TRIOBP: variants seen among roughly 807,000 people sequenced by gnomAD.
The protein encoded by TRIOBP is TRIO and F-actin-binding protein.
TRIOBP carries 169 observed loss-of-function variants against 238.8 expected under a neutral mutation model. The observed-to-expected ratio is 0.71, with a 90% CI of 0.62 to 0.80. TRIOBP has a LOEUF of 0.80. TRIOBP is among the 30% of genes least tolerant of loss of function. The pLI is 0.00. For synonymous variants in TRIOBP, 1,150 were observed against 1,274.4 expected (o/e 0.90, Z 2.08); for missense variants, 2,838 against 3,122.6 (o/e 0.91, Z 2.17).
rs1483910123 is a variant in TRIOBP at position 37,723,591 on chromosome 22, C to T, written c.1035C>T (p.Pro345=). Residue 345 remains proline, a synonymous_variant, in exon 7 of 24, where the codon CCC becomes CCT. Transcript: ENST00000644935. ...TQWNTPRASS[P]SRSTQLDNPR... ...GGAACACCCCCAGAGCTTCCTCTCC[C>T]TCACGAAGCACCCAACTGGATAACC... 2 of 1,614,146 alleles carry T rather than the reference C, an allele frequency of 1.2e-6. No homozygotes were observed. The highest frequency in any genetic ancestry group is 8.5e-7 in the Non-Finnish European group (1 of 1,180,018).
At chr22:37,717,081 T>G (rs574629472) in intron 6 of TRIOBP, among the ~76,000 whole-genome samples, 1 of 152,304 alleles carries the variant, frequency 6.6e-6, no homozygotes, top group Admixed American at 6.5e-5. Flanking sequence ...TTCCTTCTGA[T>G]GTTCGGATGT....
chr22:37,752,608 G>A (rs1397135662), intron 12 of TRIOBP, among the ~76,000 whole-genome samples: 1 of 152,192 alleles, frequency 6.6e-6, no homozygotes, highest in Non-Finnish European at 1.5e-5. Context: ...ATTTCATTGT[G>A]TTTCCGGCCC....
intron 2 of TRIOBP, among the ~76,000 whole-genome samples, chr22:37,700,451 C>CTT (rs111657558): frequency 2.7e-5 from 4 of 146,788 alleles, no homozygotes; most frequent in African/African-American, 5.0e-5. Context: ...CTGAAATCTG[C>CTT]TTTTTTTTTT....
At chr22:37,744,301 C>T (rs1416133594) in intron 11 of TRIOBP, among the ~76,000 whole-genome samples, 3 of 151,840 alleles carry the variant, frequency 2.0e-5, no homozygotes, top group South Asian at 2.1e-4. Flanking sequence ...TAAACCACCG[C>T]GCCCAGCCTC....
chr22:37,723,373 C>T lies in TRIOBP; in HGVS notation c.817C>T (p.Arg273Cys), dbSNP rs190463138. 7.1e-5 allele frequency: 115 copies of T among 1,614,088 alleles called. No homozygotes were observed. The highest frequency in any genetic ancestry group is 3.6e-4 in the East Asian group (16 of 44,882). ...GGACACTGCTCAGGCTGCCTCTACA[C>T]GTGAAATCCCCAGAGCCTCCTCTCC... is the stretch of plus-strand genomic sequence containing the variant. ...QRDTAQAAST[R>C]EIPRASSPHR... Residue 273 changes from arginine (R) to cysteine (C), a missense_variant, in exon 7 of 24, where the codon CGT becomes TGT. By Grantham distance (180) the Arg-to-Cys change is radical. Around this residue, in one of 5 missense-constraint regions of TRIOBP, gnomAD observed 535 missense variants for 537.3 expected, o/e 1.00. Coordinates refer to ENST00000644935, the MANE Select transcript of TRIOBP (RefSeq NM_001039141.3).
At position 37,769,320 on chromosome 22, in the gene TRIOBP, AG is replaced by A; in HGVS notation, c.6797del (p.Gly2266AlafsTer17). ...CAGCTGCGCGGCTTCATTGCCTCGC[AG>A]GGCATGGGCAATGGCTGCGGGCGCA... ...IDQLRGFIAS[Q>X]GMGNGCGRSN... On this transcript the variant is annotated frameshift_variant, in exon 21 of 24. Transcript: ENST00000644935. LOFTEE classifies it high-confidence loss of function. The A allele has an allele frequency of 6.2e-7, 1 of 1,611,958 alleles. No homozygotes were observed. Among genetic ancestry groups the A allele is most frequent in the Non-Finnish European group, 8.5e-7 (1 of 1,179,510 alleles).
At chr22:37,701,967 G>A (rs1922673213) in intron 3 of TRIOBP, among the ~76,000 whole-genome samples, 1 of 152,056 alleles carries the variant, frequency 6.6e-6, no homozygotes, top group Admixed American at 6.6e-5. Flanking sequence ...GCTGGGCATG[G>A]TGGTGCATGC....
chr22:37,711,942 G>C (rs921164607), intron 4 of TRIOBP, among the ~76,000 whole-genome samples: 1 of 152,130 alleles, frequency 6.6e-6, no homozygotes, highest in Non-Finnish European at 1.5e-5. Flanking sequence ...CTCAGCATCT[G>C]GGCTAGTGAA....
chr22:37,760,986 GAAAGA>G (rs1926216414), intron 17 of TRIOBP, among the ~76,000 whole-genome samples: 1 of 149,620 alleles, frequency 6.7e-6, no homozygotes. Context: ...AAAAAAAAAA[GAAAGA>G]AAAGAAAAGA....
At chr22:37,732,353 C>T (rs560991502) in intron 7 of TRIOBP, among the ~76,000 whole-genome samples, 1 of 152,140 alleles carries the variant, frequency 6.6e-6, no homozygotes, top group Non-Finnish European at 1.5e-5. Flanking sequence ...TTAGAAACAA[C>T]ACTTGCCCAG....
chr22:37,720,391 G>C (rs1923763998), intron 6 of TRIOBP, among the ~76,000 whole-genome samples: 1 of 152,036 alleles, frequency 6.6e-6, no homozygotes, highest in Admixed American at 6.6e-5. Flanking sequence ...TCCTTTTTCT[G>C]TTCCAGGATC....
intron 7 of TRIOBP, among the ~76,000 whole-genome samples, chr22:37,726,954 C>G (rs1250502751): frequency 6.6e-6 from 1 of 151,290 alleles, no homozygotes; most frequent in Non-Finnish European, 1.5e-5. Context: ...TTGCCCAGGC[C>G]GGAGCGCAAT....
Position 37,769,442 on chromosome 22 carries a change from G to A in TRIOBP, c.6849+67G>A, listed in dbSNP as rs112733082. On this transcript the variant is annotated intron_variant, in intron 21 of 23. Coordinates refer to ENST00000644935, the MANE Select transcript of TRIOBP (RefSeq NM_001039141.3). ...GGGCCCGGGGCTATGGGGCACCCCC[G>A]CCATAGGCTGGGTATCACCTGTGGC... is the stretch of plus-strand genomic sequence containing the variant. 0.028 allele frequency: 39,689 copies of A among 1,433,336 alleles called. 734 individuals are homozygous for A. The highest frequency in any genetic ancestry group is 0.075 in the African/African-American group (5,331 of 71,110). 88.8% of individuals were successfully genotyped at this position (1,433,336 alleles called of 1,614,324 possible). A position where few individuals can be genotyped will look rare whatever the true frequency, so the allele number is the denominator to read the frequency against.
rs1186601750 is a variant in TRIOBP, at chr22:37,724,642, C to G, written c.2086C>G (p.Pro696Ala). ...CAGCAGAACCATCCAACAAGAGAAC[C>G]CCAGAACATCCTGTGCCCAACGGGA... ...SPSRTIQQENPRTSCAQRDDP... is the reference protein window; with the variant it reads ...SPSRTIQQENARTSCAQRDDP... Residue 696 changes from proline to alanine, a missense_variant, in exon 7 of 24, where the codon CCC (proline) becomes GCC (alanine). Physicochemically the swap from Pro to Ala is conservative, Grantham distance 27 (BLOSUM62 -1). Coordinates refer to ENST00000644935, the MANE Select transcript of TRIOBP (RefSeq NM_001039141.3). 1.9e-6 allele frequency: 3 copies of G among 1,610,966 alleles called. No homozygotes were observed. In the South Asian group the frequency reaches 3.3e-5, roughly 18 times the overall value.
chr22:37,718,367 G>T (rs568302000), intron 6 of TRIOBP, among the ~76,000 whole-genome samples: 1 of 152,348 alleles, frequency 6.6e-6, no homozygotes, highest in South Asian at 2.1e-4. Context: ...GAGAGTGAGC[G>T]AGGGCTGTGA....
intron 12 of TRIOBP, 134 bp from the exon 13 acceptor site, chr22:37,754,743 A>G: frequency 1.2e-6 from 1 of 828,672 alleles, no homozygotes; most frequent in Non-Finnish European, 2.1e-6. Context: ...CAGAGAGGAA[A>G]TGGAGGGGCC....
At chr22:37,715,410 T>A (rs2145823960) in intron 5 of TRIOBP, among the ~76,000 whole-genome samples, 1 of 152,112 alleles carries the variant, frequency 6.6e-6, no homozygotes, top group East Asian at 1.9e-4. Flanking sequence ...TGGCGCGATC[T>A]CCACTCAATG....
At chr22:37,728,220 C>A (rs951600546) in intron 7 of TRIOBP, among the ~76,000 whole-genome samples, 2 of 148,576 alleles carry the variant, frequency 1.3e-5, no homozygotes, top group Non-Finnish European at 3.0e-5. Flanking sequence ...CAAGATCATG[C>A]CACTACACTC....
chr22:37,716,057 A>G (rs918020127), intron 6 of TRIOBP, 123 bp downstream of exon 6: 1 of 965,724 alleles, frequency 1.0e-6, no homozygotes, highest in African/African-American at 1.6e-5. Context: ...TAATAATAGT[A>G]ACAGTTTGCA....
Sources: allele counts gnomAD v4.1 joint callset (sites outside exome capture counted in the v4.1 genomes callset), GRCh38; gene constraint gnomAD v4.1.1; regional missense constraint gnomAD v4.1.1; transcripts MANE v1.5; gene names NCBI Gene and HGNC (gene_info 2026-07-23, HGNC 2026-07-21).